Variants in PDE4B observed in about 807,000 individuals in gnomAD.
PDE4B encodes 3',5'-cyclic-AMP phosphodiesterase 4B.
In PDE4B, 20 loss-of-function variants were observed where a neutral mutation model predicts 82.2. The ratio of observed to expected loss-of-function variants is 0.24; its 90% confidence interval spans 0.17 to 0.35. PDE4B has a LOEUF of 0.35. PDE4B is among the 10% of genes least tolerant of loss of function. PDE4B has a pLI of 1.00. For missense variants in PDE4B, 655 were observed against 907.2 expected (o/e 0.72, Z 3.57); for synonymous variants, 320 against 318.9 (o/e 1.00, Z -0.04).
intron 3 of PDE4B, among the ~76,000 whole-genome samples, chr1:66,171,051 TG>T (rs1646827819): frequency 6.6e-6 from 1 of 152,172 alleles, no homozygotes; most frequent in African/African-American, 2.4e-5. Context: ...CGGGTGGTGT[TG>T]ATGAGTAAAT....
chr1:66,180,125 G>A (rs781471904), intron 3 of PDE4B, among the ~76,000 whole-genome samples: 14 of 152,120 alleles, frequency 9.2e-5, no homozygotes, highest in African/African-American at 2.7e-4. Flanking sequence ...TCAGGAATTC[G>A]CAGTCAGGTA....
At chr1:66,209,659 T>A (rs1451004248) in intron 3 of PDE4B, among the ~76,000 whole-genome samples, 1 of 152,240 alleles carries the variant, frequency 6.6e-6, no homozygotes, top group Non-Finnish European at 1.5e-5. Flanking sequence ...CTCAGTAAAT[T>A]GCTTTGTGCC....
At chr1:66,261,086 G>C (rs528199564) in intron 6 of PDE4B, among the ~76,000 whole-genome samples, 1 of 152,290 alleles carries the variant, frequency 6.6e-6, no homozygotes, top group Admixed American at 6.5e-5. Flanking sequence ...TCACCAAAGG[G>C]AGTTGAGAGT....
At chr1:66,347,120 G>A (rs1181758171) in intron 8 of PDE4B, among the ~76,000 whole-genome samples, 3 of 152,112 alleles carry the variant, frequency 2.0e-5, no homozygotes, top group African/African-American at 7.2e-5. Context: ...AGGCAAACCT[G>A]CAACCAGCAC....
chr1:66,045,586 A>G (rs1654659817), intron 3 of PDE4B, among the ~76,000 whole-genome samples: 1 of 151,776 alleles, frequency 6.6e-6, no homozygotes, highest in Non-Finnish European at 1.5e-5. Flanking sequence ...TGAAGTGTCT[A>G]TTATATGGAA....
chr1:65,995,104 A>G (rs891793555), intron 3 of PDE4B, among the ~76,000 whole-genome samples: 3 of 152,186 alleles, frequency 2.0e-5, no homozygotes, highest in Non-Finnish European at 2.9e-5. Context: ...ATAATGCTCT[A>G]TAATATAGAT....
intron 3 of PDE4B, among the ~76,000 whole-genome samples, chr1:65,970,857 C>T (rs1040244690): frequency 3.3e-5 from 5 of 151,892 alleles, no homozygotes; most frequent in African/African-American, 1.2e-4. Flanking sequence ...ACCTGGAGGA[C>T]TCCATACATG....
intron 3 of PDE4B, among the ~76,000 whole-genome samples, chr1:66,019,304 T>C (rs183491244): frequency 6.6e-6 from 1 of 152,084 alleles, no homozygotes; most frequent in African/African-American, 2.4e-5. Context: ...CCCATGCAAA[T>C]TGATGGAATG....
chr1:65,842,192 T>C (rs928962659), intron 1 of PDE4B, among the ~76,000 whole-genome samples: 2 of 152,194 alleles, frequency 1.3e-5, no homozygotes, highest in African/African-American at 4.8e-5. Context: ...GGCATATTTA[T>C]TGAGTATTGA....
At chr1:66,312,738 G>A (rs1368394721) in intron 7 of PDE4B, among the ~76,000 whole-genome samples, 2 of 152,136 alleles carry the variant, frequency 1.3e-5, no homozygotes, top group African/African-American at 2.4e-5. Context: ...TACAGCCCAT[G>A]GGCCAGCCAC....
At chr1:66,051,862 T>C (rs1484178872) in intron 3 of PDE4B, among the ~76,000 whole-genome samples, 1 of 152,200 alleles carries the variant, frequency 6.6e-6, no homozygotes, top group Non-Finnish European at 1.5e-5. Context: ...AGCATCCAGA[T>C]ACCTCTTAAA....
intron 3 of PDE4B, among the ~76,000 whole-genome samples, chr1:66,187,105 C>T (rs777797009): frequency 3.3e-5 from 5 of 152,132 alleles, no homozygotes; most frequent in South Asian, 2.1e-4. Context: ...TAGTTTTGGT[C>T]GTTGGTTCTG....
chr1:66,313,912 A>C (rs1292334875), intron 7 of PDE4B, among the ~76,000 whole-genome samples: 1 of 152,086 alleles, frequency 6.6e-6, no homozygotes, highest in African/African-American at 2.4e-5. Context: ...ACCACGTGGG[A>C]GTCAAGACAA....
At chr1:65,829,541 A>G (rs1358596003) in intron 1 of PDE4B, among the ~76,000 whole-genome samples, 1 of 152,214 alleles carries the variant, frequency 6.6e-6, no homozygotes, top group Non-Finnish European at 1.5e-5. Flanking sequence ...GATAGACTAT[A>G]TTCTGGGCCA....
At chr1:66,266,256 A>G (rs1233737784) in intron 7 of PDE4B, 169 bp downstream of exon 7, 5 of 639,892 alleles carry the variant, frequency 7.8e-6, no homozygotes, top group East Asian at 2.8e-5. Context: ...ACTTCACTCT[A>G]TTAAAACCAC....
intron 3 of PDE4B, among the ~76,000 whole-genome samples, chr1:66,105,420 C>A (rs181323259): frequency 3.3e-5 from 5 of 151,812 alleles, no homozygotes; most frequent in African/African-American, 4.8e-5. Flanking sequence ...CTTGGCGATG[C>A]GGGCTCTTTT....
At chr1:66,319,387 G>C (rs1659246035) in intron 7 of PDE4B, among the ~76,000 whole-genome samples, 2 of 152,160 alleles carry the variant, frequency 1.3e-5, no homozygotes, top group Admixed American at 1.3e-4. Context: ...AATAACCCTT[G>C]TGTTCCCTCT....
chr1:66,103,921 AT>A, intron 3 of PDE4B, among the ~76,000 whole-genome samples: 1 of 151,924 alleles, frequency 6.6e-6, no homozygotes, highest in East Asian at 1.9e-4. Flanking sequence ...GAGAGGCATT[AT>A]TTTTTTATTA....
intron 7 of PDE4B, among the ~76,000 whole-genome samples, chr1:66,286,915 C>G (rs1656718715): frequency 6.6e-6 from 1 of 152,120 alleles, no homozygotes; most frequent in African/African-American, 2.4e-5. Context: ...AATTAATGTT[C>G]AAGCTTGAAG....
Sources: allele counts gnomAD v4.1 joint callset (sites outside exome capture counted in the v4.1 genomes callset), GRCh38; gene constraint gnomAD v4.1.1; transcripts MANE v1.5; gene names NCBI Gene and HGNC (gene_info 2026-07-23, HGNC 2026-07-21).